TIMP2: variants seen among roughly 807,000 people sequenced by gnomAD.
TIMP2 encodes metalloproteinase inhibitor 2.
TIMP2 carries 5 observed loss-of-function variants against 24.3 expected under a neutral mutation model. The observed-to-expected ratio is 0.21, with a 90% CI of 0.11 to 0.43. The LOEUF (loss-of-function observed/expected upper bound fraction) is 0.43. Ranked by LOEUF, TIMP2 falls within the 20% of genes least tolerant of loss-of-function variation. TIMP2 has a pLI of 1.00. For synonymous variants in TIMP2, 130 were observed against 123.2 expected, an observed-to-expected ratio of 1.06 and a Z score of -0.37; for missense variants, 221 against 297.5, an observed-to-expected ratio of 0.74 and a Z score of 1.89.
At chr17:78,921,235 C>A (rs2070306592) in intron 1 of TIMP2, among the ~76,000 whole-genome samples, 1 of 152,158 alleles carries the variant, frequency 6.6e-6, no homozygotes, top group South Asian at 2.1e-4. Context: ...ACCAGGTCAC[C>A]CTTGGCTGTT....
At position 78,909,945 on chromosome 17, in the gene TIMP2, C is replaced by T. The variant is rs142431717; in HGVS notation, c.130+15014G>A. ...GGAGTGTCCGTCTAGTACTGGGACC[C>T]GGTGTGATGCTTTAAGGAACACACC... On this transcript the variant is annotated intron_variant, in intron 1 of 4. Coordinates refer to ENST00000262768, the MANE Select transcript of TIMP2 (RefSeq NM_003255.5). Among the ~76,000 whole-genome samples the T allele has an allele frequency of 4.4e-3, 671 of 152,174 alleles. 3 individuals are homozygous for T. The highest frequency in any genetic ancestry group is 0.01 in the Middle Eastern group (3 of 294).
intron 1 of TIMP2, among the ~76,000 whole-genome samples, chr17:78,876,211 T>C (rs949505088): frequency 3.3e-5 from 5 of 152,098 alleles, no homozygotes; most frequent in Non-Finnish European, 7.4e-5. Flanking sequence ...ATGAGCGCCT[T>C]TGCAACCTGA....
chr17:78,924,918 A>ATCCC lies in TIMP2; in HGVS notation c.130+40_130+41insGGGA. On this transcript the variant is annotated intron_variant, in intron 1 of 4. Transcript: ENST00000262768. The surrounding 1 kb of genome is among the most constrained non-coding windows in gnomAD (Gnocchi z 5.3). Reference sequence around the variant, plus strand: ...CTGCGAACCCTCGGGGTCGCGGGGGAGGTGGGGCCCCGCGCGGGGGCTGGG... The same window carrying ATCCC: ...CTGCGAACCCTCGGGGTCGCGGGGGATCCCGGTGGGGCCCCGCGCGGGGGCTGGG... 1 of 1,048,820 alleles carries ATCCC rather than the reference A, an allele frequency of 9.5e-7. No individual in the cohort carries two copies. Among genetic ancestry groups the ATCCC allele is most frequent in the Non-Finnish European group, 1.2e-6 (1 of 861,100 alleles). 65.0% of individuals were successfully genotyped at this position (1,048,820 alleles called of 1,614,324 possible).
At chr17:78,922,415 T>A (rs746242592) in intron 1 of TIMP2, 1 of 152,194 alleles carries the variant, frequency 6.6e-6, no homozygotes, top group Non-Finnish European at 1.5e-5. Context: ...TCTAGTCAGA[T>A]CCTATGAATA....
At chr17:78,912,186 C>T (rs1182284442) in intron 1 of TIMP2, among the ~76,000 whole-genome samples, 1 of 152,226 alleles carries the variant, frequency 6.6e-6, no homozygotes, top group Non-Finnish European at 1.5e-5. Context: ...CACTTGACTC[C>T]AAAGCCCAGG....
At chr17:78,899,110 C>T (rs62074362) in intron 1 of TIMP2, 1,589 of 152,378 alleles carry the variant, frequency 0.01, 9 homozygotes, top group Middle Eastern at 0.024. Flanking sequence ...ATCTCTAAAG[C>T]GCTCCCAGGG....
chr17:78,855,312 T>C lies in TIMP2; in HGVS notation c.*355A>G, dbSNP rs1254711020. On this transcript the variant is annotated 3_prime_UTR_variant, in exon 5 of 5. Coordinates refer to ENST00000262768, the MANE Select transcript of TIMP2 (RefSeq NM_003255.5). This position sits in a 1 kb window ranked among gnomAD's most constrained non-coding sequence, Gnocchi z 6.0. ...CTGCAAAATGCACATTTCCAGGCCC[T>C]GCCCTAACCCAGCTGGGAGATCCCT... 1.4e-5 allele frequency: 5 copies of C among 348,294 alleles called. No homozygotes were observed. The highest frequency in any genetic ancestry group is 2.7e-5 in the Non-Finnish European group (5 of 183,004). 21.6% of individuals were successfully genotyped at this position (348,294 alleles called of 1,614,324 possible).
chr17:78,884,180 C>T (rs960019474), intron 1 of TIMP2, among the ~76,000 whole-genome samples: 1 of 152,204 alleles, frequency 6.6e-6, no homozygotes, highest in South Asian at 2.1e-4. Flanking sequence ...AACCCCTACC[C>T]ATCCCTGCAA....
intron 1 of TIMP2, among the ~76,000 whole-genome samples, chr17:78,923,524 A>C (rs891635269): frequency 7.2e-5 from 11 of 152,050 alleles, no homozygotes; most frequent in African/African-American, 2.7e-4. Context: ...CTGGTGAGCC[A>C]AGGAGCCTGG....
intron 1 of TIMP2, among the ~76,000 whole-genome samples, chr17:78,893,235 ATGTG>A (rs34814400): frequency 0.021 from 1,863 of 88,094 alleles, 22 homozygotes; most frequent in Non-Finnish European, 0.029. Flanking sequence ...GTGTGTGTGC[ATGTG>A]TGTGTAGGAG....
chr17:78,891,893 G>C lies in TIMP2; in HGVS notation c.131-17974C>G. Reference sequence around the variant, plus strand: ...CCGACCCGTGGCTTTTGTAGTCTGTGGTTTCTCTGGACTCGCTGCTGTCTT... The same window carrying C: ...CCGACCCGTGGCTTTTGTAGTCTGTCGTTTCTCTGGACTCGCTGCTGTCTT... On this transcript the variant is annotated intron_variant, in intron 1 of 4. Coordinates refer to ENST00000262768, the MANE Select transcript of TIMP2 (RefSeq NM_003255.5). The surrounding 1 kb of genome is among the most constrained non-coding windows in gnomAD (Gnocchi z 4.5). 1 of 1,550,600 alleles carries C rather than the reference G, an allele frequency of 6.4e-7. No individual in the cohort carries two copies. The highest frequency in any genetic ancestry group is 8.7e-7 in the Non-Finnish European group (1 of 1,147,000).
At chr17:78,913,704 C>T (rs185428435) in intron 1 of TIMP2, among the ~76,000 whole-genome samples, 5 of 151,904 alleles carry the variant, frequency 3.3e-5, no homozygotes, top group African/African-American at 1.2e-4. Flanking sequence ...GAGCAAGAAC[C>T]TGTCTCAGAA....
chr17:78,899,704 G>A (rs112124727), intron 1 of TIMP2: 11,636 of 152,268 alleles, frequency 0.076, 511 homozygotes, highest in Middle Eastern at 0.12. Flanking sequence ...ACCCAGCAGC[G>A]CCTGGAATGT....
chr17:78,899,284 GC>G, intron 1 of TIMP2: 2 of 153,140 alleles, frequency 1.3e-5, no homozygotes, highest in Non-Finnish European at 2.9e-5. Context: ...CAGCCTCTCT[GC>G]CCCCGACCCC....
intron 1 of TIMP2, chr17:78,903,435 A>T (rs1424815290): frequency 6.6e-6 from 1 of 152,338 alleles, no homozygotes; most frequent in Non-Finnish European, 1.5e-5. Flanking sequence ...TACCAGGCAG[A>T]GGACATCTTT....
intron 3 of TIMP2, among the ~76,000 whole-genome samples, chr17:78,864,902 A>ACAGAGCAAGACTTTGTCTC: frequency 6.6e-6 from 1 of 151,744 alleles, no homozygotes. Flanking sequence ...AAAAATACAA[A>ACAGAGCAAGACTTTGTCTC]AATTAGCTGG....
chr17:78,882,795 C>T (rs2069790594), intron 1 of TIMP2, among the ~76,000 whole-genome samples: 1 of 152,234 alleles, frequency 6.6e-6, no homozygotes, highest in African/African-American at 2.4e-5. Context: ...CAAGGCTGAG[C>T]AGCCAGGAAG....
chr17:78,918,979 CAA>C (rs11333582), intron 1 of TIMP2, among the ~76,000 whole-genome samples: 71,229 of 148,346 alleles, frequency 0.48, 16,908 homozygotes, highest in Middle Eastern at 0.52. Flanking sequence ...GACTCCGTCT[CAA>C]AAAAAAAAAA....
At chr17:78,890,011 C>G (rs1233644701) in intron 1 of TIMP2, among the ~76,000 whole-genome samples, 1 of 151,980 alleles carries the variant, frequency 6.6e-6, no homozygotes. Context: ...CCCAGCTACT[C>G]GGGAGGCTGA....
Sources: gnomAD v4.1 joint callset for allele counts (sites outside exome capture counted in the v4.1 genomes callset) on GRCh38, gnomAD v4.1.1 for gene constraint, Gnocchi (gnomAD v3.1) non-coding constraint, MANE v1.5 for transcripts, NCBI Gene and HGNC (gene_info 2026-07-23, HGNC 2026-07-21) for gene names.